Variants in TFAM observed in about 807,000 individuals in gnomAD.
TFAM encodes transcription factor A, mitochondrial.
Under a neutral mutation model 30.6 loss-of-function variants are expected in TFAM, and 13 were observed. The observed-to-expected ratio is 0.42, with a 90% CI of 0.28 to 0.67. The LOEUF is 0.67. Ranked by LOEUF, TFAM falls within the 30% of genes least tolerant of loss-of-function variation. The pLI is 0.21. For missense variants in TFAM, 231 were observed against 293.7 expected, an observed-to-expected ratio of 0.79 and a Z score of 1.56; for synonymous variants, 106 against 94.8, an observed-to-expected ratio of 1.12 and a Z score of -0.69.
At chr10:58,386,372 T>G in intron 2 of TFAM, 34 bp downstream of exon 2, 1 of 1,453,110 alleles carries the variant, frequency 6.9e-7, no homozygotes, top group East Asian at 2.3e-5. Context: ...CCTTTTCTCA[T>G]GTAATAAAAA....
chr10:58,385,553 G>A lies in TFAM; in HGVS notation c.6G>A (p.Ala2=), dbSNP rs1337389336. The part of the protein sequence containing the change: M[A]FLRSMWGVLS... ...CTGCCTCATCCACCGGAGCGATGGCGTTTCTCCGAAGCATGTGGGGCGTGC... is the reference window on the plus strand; with the variant it reads ...CTGCCTCATCCACCGGAGCGATGGCATTTCTCCGAAGCATGTGGGGCGTGC... Residue 2 remains alanine (A), a synonymous_variant, in exon 1 of 7, where the codon GCG becomes GCA. Transcript: ENST00000487519. 3 of 1,563,954 alleles carry A rather than the reference G, an allele frequency of 1.9e-6. No homozygotes were observed. The highest frequency in any genetic ancestry group is 2.6e-6 in the Non-Finnish European group (3 of 1,153,550).
chr10:58,386,049 C>T (rs1404640187), intron 1 of TFAM, among the ~76,000 whole-genome samples, 171 bp from the exon 2 acceptor site: 1 of 151,490 alleles, frequency 6.6e-6, no homozygotes, highest in Non-Finnish European at 1.5e-5. Context: ...GTCCTGCAGA[C>T]GCTCCCCTCC....
chr10:58,385,688 A>T, intron 1 of TFAM, 40 bp downstream of exon 1: 1 of 1,466,410 alleles, frequency 6.8e-7, no homozygotes, highest in South Asian at 1.2e-5. Context: ...AGCAGGGCCC[A>T]GGACGTCCCG....
chr10:58,388,971 T>C (rs1269698688), intron 4 of TFAM, 152 bp downstream of exon 4: 2 of 737,068 alleles, frequency 2.7e-6, no homozygotes, highest in African/African-American at 1.8e-5. Context: ...AGTTCTCTTA[T>C]GAAAAGTGAG....
Position 58,388,767 on chromosome 10 carries a change from A to G in TFAM, c.389A>G (p.Glu130Gly). The G allele has an allele frequency of 6.2e-7, 1 of 1,613,240 alleles. No individual in the cohort carries two copies. Among genetic ancestry groups the G allele is most frequent in the Non-Finnish European group, 8.5e-7 (1 of 1,179,482 alleles). The change falls in exon 4 of 7, where the codon GAA (glutamate) becomes GGA (glycine). Residue 130 changes from glutamate (E) to glycine (G), a missense_variant. Transcript: ENST00000487519. ...ACTCCAAGTCAGATTATGTCTTTGGAAAAAGAAATCATGGACAAACATTTA... is the reference window on the plus strand; with the variant it reads ...ACTCCAAGTCAGATTATGTCTTTGGGAAAAGAAATCATGGACAAACATTTA... ...QLTPSQIMSL[E>G]KEIMDKHLKR...
In TFAM at chr10:58,388,839, T is replaced by C. The variant is rs757235180; in HGVS notation, c.441+20T>C. ...AAAAAAGTGAGTATCATTGAAATAC[T>C]TTTTTCTTATGGTAAAGAATTGAGA... On this transcript the variant is annotated intron_variant, in intron 4 of 6. Transcript: ENST00000487519. The C allele has an allele frequency of 8.8e-6, 14 of 1,584,128 alleles. No homozygotes were observed. In the East Asian group the frequency reaches 2.5e-4, roughly 28 times the overall value.
At chr10:58,386,912 A>C (rs933693427) in intron 2 of TFAM, among the ~76,000 whole-genome samples, 1 of 152,110 alleles carries the variant, frequency 6.6e-6, no homozygotes, top group African/African-American at 2.4e-5. Context: ...TAAAAAAAAA[A>C]CATTTCCAGG....
chr10:58,387,230 T>C (rs1394776637), intron 2 of TFAM, among the ~76,000 whole-genome samples: 1 of 152,068 alleles, frequency 6.6e-6, no homozygotes, highest in Non-Finnish European at 1.5e-5. Context: ...TCCACTGCAC[T>C]CCAGCCTGGG....
intron 4 of TFAM, among the ~76,000 whole-genome samples, chr10:58,389,896 A>G (rs764964016): frequency 7.9e-5 from 12 of 152,196 alleles, no homozygotes; most frequent in South Asian, 2.1e-4. Context: ...TAGTTCAGAG[A>G]TCAAGTGAGA....
At chr10:58,388,150 A>G (rs373493457) in intron 2 of TFAM, 40 bp from the exon 3 acceptor site, 211 of 1,516,920 alleles carry the variant, frequency 1.4e-4, no homozygotes, top group Admixed American at 2.5e-4. Flanking sequence ...CCTGAGAGGT[A>G]AAATTGTGGC....
In TFAM at chr10:58,396,287, A is replaced by T. The variant is rs927400425; in HGVS notation, c.*1213A>T. 6.6e-6 allele frequency: 1 copy of T among 152,176 alleles called. No individual in the cohort carries two copies. The highest frequency in any genetic ancestry group is 1.5e-5 in the Non-Finnish European group (1 of 68,020). 9.4% of individuals were successfully genotyped at this position (152,176 alleles called of 1,614,324 possible). On this transcript the variant is annotated 3_prime_UTR_variant, in exon 7 of 7. Transcript: ENST00000487519. ...ATGGTCTATAGTATAGTGTGATATG[A>T]CTACTGTTCCAATGTATTGAAGTGT...
rs1366119371 is a variant in TFAM at position 58,397,187 on chromosome 10, G to A, written c.*2113G>A. 1 of 152,200 alleles carries A rather than the reference G, an allele frequency of 6.6e-6. No individual in the cohort carries two copies. The highest frequency in any genetic ancestry group is 1.9e-4 in the East Asian group (1 of 5,192). 9.4% of individuals were successfully genotyped at this position (152,200 alleles called of 1,614,324 possible). On this transcript the variant is annotated 3_prime_UTR_variant, in exon 7 of 7. Transcript: ENST00000487519. Reference sequence around the variant, plus strand: ...TTCAGATGAGCTCAGAGAGCACATAGGAGTGTTTGTAATGAGGGGTATGTA... The same window carrying A: ...TTCAGATGAGCTCAGAGAGCACATAAGAGTGTTTGTAATGAGGGGTATGTA...
chr10:58,387,624 A>G (rs1246260869), intron 2 of TFAM, among the ~76,000 whole-genome samples: 1 of 152,170 alleles, frequency 6.6e-6, no homozygotes, highest in African/African-American at 2.4e-5. Flanking sequence ...GCAATTGATC[A>G]TCCAGCTTCT....
chr10:58,385,837 G>T lies in TFAM; in HGVS notation c.101+189G>T, dbSNP rs4397793. Among the ~76,000 whole-genome samples, 14 of 152,046 alleles carry T rather than the reference G, an allele frequency of 9.2e-5. No individual in the cohort carries two copies. The South Asian group carries it at 1.2e-3, about 14-fold the overall frequency. ...AGGCCTTTATTTACTCTCTTAATAC[G>T]CCGTACCTTCTTGCTACCCTCCACT... On this transcript the variant is annotated intron_variant, in intron 1 of 6. Transcript: ENST00000487519.
intron 5 of TFAM, among the ~76,000 whole-genome samples, chr10:58,393,115 G>A (rs1328611829): frequency 1.3e-5 from 2 of 152,026 alleles, no homozygotes; most frequent in African/African-American, 2.4e-5. Flanking sequence ...TAGTAGCTGG[G>A]ACCACAGGCA....
At chr10:58,386,736 A>G (rs960097989) in intron 2 of TFAM, 1 of 1,064,366 alleles carries the variant, frequency 9.4e-7, no homozygotes, top group Admixed American at 4.9e-5. Context: ...GTAGAACTGT[A>G]AAGTTCTATG....
At chr10:58,387,717 C>G (rs1387438724) in intron 2 of TFAM, among the ~76,000 whole-genome samples, 5 of 152,016 alleles carry the variant, frequency 3.3e-5, no homozygotes, top group African/African-American at 1.2e-4. Flanking sequence ...ATTGCTTGAA[C>G]TCAGGAGTTT....
chr10:58,390,856 C>T lies in TFAM; in HGVS notation c.533C>T (p.Pro178Leu), dbSNP rs757075712. The T allele has an allele frequency of 6.2e-6, 10 of 1,611,998 alleles. No individual in the cohort carries two copies. The highest frequency in any genetic ancestry group is 2.7e-5 in the African/African-American group (2 of 74,840). The change falls in exon 5 of 7, where the codon CCG becomes CTG. Residue 178 changes from proline (P) to leucine (L), a missense_variant. Pro to Leu is a moderately conservative substitution (Grantham distance 98, BLOSUM62 -3). Coordinates refer to ENST00000487519, the MANE Select transcript of TFAM (RefSeq NM_003201.3). ...TTCCAAGAAGCTAAGGGTGATTCAC[C>T]GCAGGTAAAGCTGAAATATATTTTT... Reference protein sequence around the residue: ...ERFQEAKGDSPQEKLKTVKEN... With the variant: ...ERFQEAKGDSLQEKLKTVKEN...
intron 5 of TFAM, among the ~76,000 whole-genome samples, chr10:58,392,502 TTTTTGTTTTG>T (rs934638828): frequency 1.3e-5 from 2 of 152,206 alleles, no homozygotes; most frequent in East Asian, 1.9e-4. Flanking sequence ...CTTTCCTTTT[TTTTTGTTTTG>T]TTTTGTTTTG....
Sources: gnomAD v4.1 joint callset for allele counts (sites outside exome capture counted in the v4.1 genomes callset) on GRCh38, gnomAD v4.1.1 for gene constraint, MANE v1.5 for transcripts, NCBI Gene and HGNC (gene_info 2026-07-23, HGNC 2026-07-21) for gene names.